TNFSF8: variants seen among roughly 807,000 people sequenced by gnomAD.
TNFSF8 encodes the protein tumor necrosis factor ligand superfamily member 8.
A neutral mutation model predicts 22.0 loss-of-function variants in TNFSF8; 4 were observed. The ratio of observed to expected loss-of-function variants is 0.18; its 90% CI spans 0.09 to 0.42. The LOEUF (loss-of-function observed/expected upper bound fraction) is 0.42. Among genes scored for constraint, TNFSF8 ranks in the 10% least tolerant of loss-of-function variants. The pLI is 1.00. For synonymous variants in TNFSF8, 106 were observed against 112.5 expected, an observed-to-expected ratio of 0.94 and a Z score of 0.37; for missense variants, 233 against 281.8, an observed-to-expected ratio of 0.83 and a Z score of 1.24.
At chr9:114,906,623 G>A (rs542615019) in intron 2 of TNFSF8, among the ~76,000 whole-genome samples, 2 of 152,234 alleles carry the variant, frequency 1.3e-5, no homozygotes, top group African/African-American at 4.8e-5. Context: ...AATTTTAAGA[G>A]GACACAGGGT....
chr9:114,907,617 G>A (rs1442158765), intron 2 of TNFSF8, among the ~76,000 whole-genome samples: 1 of 151,968 alleles, frequency 6.6e-6, no homozygotes, highest in Non-Finnish European at 1.5e-5. Flanking sequence ...GACTCCTACT[G>A]AACTCTCTGG....
Position 114,901,879 on chromosome 9 carries a change from C to T in TNFSF8, c.*2052G>A. Reference sequence around the variant, plus strand: ...AAATTTTCCCTTAGCCATTTTTGTTCTCTCAAGTCCCTTTCATCCATACCA... The same window carrying T: ...AAATTTTCCCTTAGCCATTTTTGTTTTCTCAAGTCCCTTTCATCCATACCA... On this transcript the variant is annotated 3_prime_UTR_variant, in exon 4 of 4. Coordinates refer to ENST00000223795, the MANE Select transcript of TNFSF8 (RefSeq NM_001244.4). 2 of 955,570 alleles carry T rather than the reference C, an allele frequency of 2.1e-6. No homozygotes were observed. Among genetic ancestry groups the T allele is most frequent in the South Asian group, 4.8e-5 (1 of 20,668 alleles). The allele number at this position is 955,570 out of a possible 1,614,324, so 59.2% of individuals were successfully genotyped here. A position where few individuals can be genotyped will look rare whatever the true frequency, so the allele number is the denominator to read the frequency against.
intron 2 of TNFSF8, among the ~76,000 whole-genome samples, chr9:114,910,207 C>T (rs570012994): frequency 3.7e-4 from 57 of 152,244 alleles, no homozygotes; most frequent in African/African-American, 1.3e-3. Flanking sequence ...ACAAAACCCT[C>T]CTGGCCAGTT....
intron 2 of TNFSF8, among the ~76,000 whole-genome samples, chr9:114,915,182 G>A (rs779375631): frequency 2.0e-5 from 3 of 152,162 alleles, no homozygotes; most frequent in Non-Finnish European, 4.4e-5. Flanking sequence ...ACAATTTACT[G>A]CTTCTGTGCC....
In TNFSF8 at chr9:114,902,234, C is replaced by T. The variant is rs1456915307; in HGVS notation, c.*1697G>A. ...GTTGCTGTTTCTCAGAAGTCCTCCT[C>T]CCCACTTCCAGGGTCATCATTGTCT... On this transcript the variant is annotated 3_prime_UTR_variant, in exon 4 of 4. Coordinates refer to ENST00000223795, the MANE Select transcript of TNFSF8 (RefSeq NM_001244.4). 1 of 985,322 alleles carries T rather than the reference C, an allele frequency of 1.0e-6. No homozygotes were observed. The highest frequency in any genetic ancestry group is 1.2e-6 in the Non-Finnish European group (1 of 829,932). The allele number at this position is 985,322 out of a possible 1,614,324, so 61.0% of individuals were successfully genotyped here. A position where few individuals can be genotyped will look rare whatever the true frequency, so the allele number is the denominator to read the frequency against.
chr9:114,899,378 A>G (rs1827693105), downstream of TNFSF8, among the ~76,000 whole-genome samples: 1 of 147,204 alleles, frequency 6.8e-6, no homozygotes, highest in Non-Finnish European at 1.5e-5. Context: ...CTCGTTGGCA[A>G]CATGACCTTT....
chr9:114,913,243 T>C (rs1827874351), intron 2 of TNFSF8, among the ~76,000 whole-genome samples: 1 of 152,160 alleles, frequency 6.6e-6, no homozygotes. Context: ...TCCAACTTCC[T>C]TAGGGCCTCC....
chr9:114,924,781 A>G (rs1013144999), intron 1 of TNFSF8, among the ~76,000 whole-genome samples: 1 of 152,162 alleles, frequency 6.6e-6, no homozygotes, highest in African/African-American at 2.4e-5. Context: ...ATTCTGTGCC[A>G]TTCTGCCCGG....
chr9:114,908,017 T>C (rs930483801), intron 2 of TNFSF8, among the ~76,000 whole-genome samples: 1 of 152,288 alleles, frequency 6.6e-6, no homozygotes, highest in Middle Eastern at 3.4e-3. Context: ...TTTAGGAATG[T>C]TGATTTATCA....
At chr9:114,914,468 T>G (rs1564370242) in intron 2 of TNFSF8, among the ~76,000 whole-genome samples, 2 of 152,070 alleles carry the variant, frequency 1.3e-5, no homozygotes, top group Non-Finnish European at 2.9e-5. Context: ...GATTCAAAAT[T>G]TGGTGGAAGC....
In TNFSF8 at chr9:114,902,890, G is replaced by T; in HGVS notation, c.*1041C>A. On this transcript the variant is annotated 3_prime_UTR_variant, in exon 4 of 4. Coordinates refer to ENST00000223795, the MANE Select transcript of TNFSF8 (RefSeq NM_001244.4). ...GCCTTGGCAACCATTTTGTATACAAGTTTAATTTCTCATACCAGAAGCCGG... is the reference window on the plus strand; with the variant it reads ...GCCTTGGCAACCATTTTGTATACAATTTTAATTTCTCATACCAGAAGCCGG... 2.3e-6 allele frequency: 1 copy of T among 430,328 alleles called. No homozygotes were observed. Among genetic ancestry groups the T allele is most frequent in the Non-Finnish European group, 3.1e-6 (1 of 322,566 alleles). The allele number at this position is 430,328 out of a possible 1,614,324, so 26.7% of individuals were successfully genotyped here.
At chr9:114,914,569 A>T (rs1270632155) in intron 2 of TNFSF8, among the ~76,000 whole-genome samples, 1 of 152,188 alleles carries the variant, frequency 6.6e-6, no homozygotes, top group African/African-American at 2.4e-5. Flanking sequence ...GTGAAATGAG[A>T]TGGGAACATT....
rs183422172 is a variant in TNFSF8, at chr9:114,903,493, A to C, written c.*438T>G. The stretch of plus-strand genomic sequence containing the variant: ...TAAGTATTAGGCCATCTGCAGATAA[A>C]AGAAGTATCCCGTGAAGGGCACAGT... On this transcript the variant is annotated 3_prime_UTR_variant, in exon 4 of 4. Transcript: ENST00000223795. 30 of 161,278 alleles carry C rather than the reference A, an allele frequency of 1.9e-4. No homozygotes were observed. Among genetic ancestry groups the C allele is most frequent in the Admixed American group, 1.5e-3 (23 of 15,576 alleles). 10.0% of individuals were successfully genotyped at this position (161,278 alleles called of 1,614,324 possible).
chr9:114,920,822 C>G (rs1587938786), intron 1 of TNFSF8, among the ~76,000 whole-genome samples: 1 of 152,104 alleles, frequency 6.6e-6, no homozygotes, highest in African/African-American at 2.4e-5. Flanking sequence ...GGGCCCACCA[C>G]CACCCCCGGC....
At position 114,930,183 on chromosome 9, in the gene TNFSF8, A is replaced by T. The variant is rs150757350; in HGVS notation, c.121T>A (p.Leu41Met). Residue 41 changes from leucine to methionine, a missense_variant, in exon 1 of 4, where the codon TTG becomes ATG. Transcript: ENST00000223795. The part of the protein sequence containing the change: ...LGTTSRSYFY[L>M]TTATLALCLV... ...CACAGAGCCAGAGTGGCTGTGGTCA[A>T]ATAGAAATAGCTGCGGCTCGTGGTC... The T allele has an allele frequency of 3.4e-4, 539 of 1,605,118 alleles. No homozygotes were observed. In the African/African-American group the frequency reaches 6.4e-3, roughly 19 times the overall value.
At chr9:114,923,311 A>G (rs1828012029) in intron 1 of TNFSF8, among the ~76,000 whole-genome samples, 1 of 152,104 alleles carries the variant, frequency 6.6e-6, no homozygotes, top group Non-Finnish European at 1.5e-5. Flanking sequence ...CAGAAGAATG[A>G]CAGCTAATAA....
At chr9:114,894,372 T>C (rs1339158871) in intron 4 of TNFSF8, among the ~76,000 whole-genome samples, 1 of 152,076 alleles carries the variant, frequency 6.6e-6, no homozygotes, top group African/African-American at 2.4e-5. Flanking sequence ...TCTTGAGCAA[T>C]AATGTCTGAG....
rs1175736702 is a variant in TNFSF8, at chr9:114,905,997, C to T, written c.239-98G>A. 1.9e-4 allele frequency: 147 copies of T among 769,268 alleles called. 2 individuals carry two copies. The South Asian group carries it at 2.2e-3, about 11-fold the overall frequency. The allele number at this position is 769,268 out of a possible 1,614,324, so 47.7% of individuals were successfully genotyped here. ...ACAACACTTTGATGGAGACAATTAC[C>T]GTTCTGTTTTCCATTTTCAGAATAA... On this transcript the variant is annotated intron_variant, in intron 2 of 3. Coordinates refer to ENST00000223795, the MANE Select transcript of TNFSF8 (RefSeq NM_001244.4).
chr9:114,894,293 T>G, intron 4 of TNFSF8: 1 of 743,330 alleles, frequency 1.3e-6, no homozygotes, highest in Non-Finnish European at 2.2e-6. Flanking sequence ...TCATAGTGAG[T>G]GTAGTAAATT....
Sources: gnomAD v4.1 joint callset for allele counts (sites outside exome capture counted in the v4.1 genomes callset) on GRCh38, gnomAD v4.1.1 for gene constraint, MANE v1.5 for transcripts, NCBI Gene and HGNC (gene_info 2026-07-23, HGNC 2026-07-21) for gene names.